LUZP2: variants seen among roughly 807,000 people sequenced by gnomAD.
The protein encoded by LUZP2 is leucine zipper protein 2.
LUZP2 carries 52 observed loss-of-function variants against 51.6 expected under a neutral mutation model. The observed-to-expected ratio is 1.01, with a 90% CI of 0.81 to 1.27. LUZP2 has a LOEUF of 1.27. Among genes scored for constraint, LUZP2 ranks in the 50% most tolerant of loss-of-function variants. The probability of loss-of-function intolerance (pLI) is 0.00; values close to 1 mark genes in which losing one functional copy is unlikely to be tolerated. For synonymous variants in LUZP2, 154 were observed against 137.3 expected (o/e 1.12, Z -0.85); for missense variants, 436 against 395.4 (o/e 1.10, Z -0.87).
chr11:24,551,029 T>A (rs1851709571), intron 1 of LUZP2, among the ~76,000 whole-genome samples: 1 of 152,032 alleles, frequency 6.6e-6, no homozygotes, highest in Non-Finnish European at 1.5e-5. Flanking sequence ...AATTTGGAGG[T>A]CAATAAAATT....
chr11:25,050,291 C>CTTTTTTTTTTTTTTTTTTTTTTTTTT (rs71044331), intron 10 of LUZP2, among the ~76,000 whole-genome samples, 161 bp downstream of exon 10: 2 of 77,158 alleles, frequency 2.6e-5, no homozygotes, highest in Non-Finnish European at 4.8e-5. Context: ...TCTTTATGTT[C>CTTTTTTTTTTTTTTTTTTTTTTTTTT]TTTTTTTTTT....
chr11:25,036,559 G>A (rs1288305830), intron 9 of LUZP2, among the ~76,000 whole-genome samples: 2 of 151,688 alleles, frequency 1.3e-5, no homozygotes, highest in Non-Finnish European at 2.9e-5. Context: ...TAGGTGCAAA[G>A]TTAGATTGCT....
At chr11:24,503,200 C>T (rs1850053256) in intron 1 of LUZP2, among the ~76,000 whole-genome samples, 1 of 151,664 alleles carries the variant, frequency 6.6e-6, no homozygotes. Flanking sequence ...AAACTTTTCA[C>T]AATTATGTAA....
At chr11:24,699,688 G>GT (rs1565084923) in intron 1 of LUZP2, among the ~76,000 whole-genome samples, 2 of 99,964 alleles carry the variant, frequency 2.0e-5, no homozygotes, top group East Asian at 8.8e-4. Flanking sequence ...TATATACACA[G>GT]ACACACACAC....
intron 1 of LUZP2, among the ~76,000 whole-genome samples, chr11:24,539,222 G>T (rs1209871451): frequency 6.6e-6 from 1 of 151,890 alleles, no homozygotes; most frequent in Non-Finnish European, 1.5e-5. Context: ...TGTTGTTCTA[G>T]AATTGATTAT....
intron 7 of LUZP2, among the ~76,000 whole-genome samples, chr11:24,964,085 T>C (rs1289506532): frequency 2.0e-5 from 3 of 152,206 alleles, no homozygotes; most frequent in Non-Finnish European, 4.4e-5. Context: ...AACCTCCATA[T>C]GGTTTTCTTC....
intron 9 of LUZP2, among the ~76,000 whole-genome samples, chr11:25,029,818 T>C (rs1450557312): frequency 6.6e-6 from 1 of 151,990 alleles, no homozygotes; most frequent in African/African-American, 2.4e-5. Context: ...AAATTTGCTT[T>C]ACATATACAC....
At chr11:25,055,491 G>A (rs1317564228) in intron 10 of LUZP2, among the ~76,000 whole-genome samples, 37 of 151,906 alleles carry the variant, frequency 2.4e-4, no homozygotes, top group Non-Finnish European at 1.0e-4. Flanking sequence ...AGTAATTTTT[G>A]TATATTGATC....
chr11:25,004,798 G>T (rs1297981605), intron 9 of LUZP2, among the ~76,000 whole-genome samples: 2 of 152,116 alleles, frequency 1.3e-5, no homozygotes, highest in African/African-American at 2.4e-5. Flanking sequence ...TCCCAGTGGG[G>T]ATCCATACTG....
chr11:24,673,779 T>G (rs896421792), intron 1 of LUZP2, among the ~76,000 whole-genome samples: 1 of 152,212 alleles, frequency 6.6e-6, no homozygotes, highest in Non-Finnish European at 1.5e-5. Flanking sequence ...TTGCCCACAG[T>G]TGAGGGCAAG....
chr11:24,853,384 G>T (rs781522731), intron 5 of LUZP2, among the ~76,000 whole-genome samples: 4 of 151,690 alleles, frequency 2.6e-5, no homozygotes, highest in Non-Finnish European at 5.9e-5. Flanking sequence ...TTCAATCTCT[G>T]ATATCTTTTC....
chr11:24,978,139 G>GC (rs1343471056), intron 8 of LUZP2, among the ~76,000 whole-genome samples: 1 of 151,420 alleles, frequency 6.6e-6, no homozygotes, highest in East Asian at 1.9e-4. Context: ...AGGGGAGCTT[G>GC]CCCCCTATTT....
At chr11:25,076,761 T>A (rs1202816441) in intron 10 of LUZP2, among the ~76,000 whole-genome samples, 1 of 151,312 alleles carries the variant, frequency 6.6e-6, no homozygotes, top group East Asian at 1.9e-4. Context: ...TTTATTTTTT[T>A]TTTTCCATTG....
At chr11:24,786,614 A>G (rs186983342) in intron 5 of LUZP2, 2,518 of 168,366 alleles carry the variant, frequency 0.015, 29 homozygotes, top group Admixed American at 0.023. Flanking sequence ...AATATTAATA[A>G]ATTATAATAT....
At chr11:24,569,318 A>G (rs1852349011) in intron 1 of LUZP2, among the ~76,000 whole-genome samples, 1 of 152,080 alleles carries the variant, frequency 6.6e-6, no homozygotes, top group African/African-American at 2.4e-5. Flanking sequence ...AACTCAAAAT[A>G]AAAATGGTAT....
intron 1 of LUZP2, among the ~76,000 whole-genome samples, chr11:24,585,008 A>G (rs1429666832): frequency 6.6e-6 from 1 of 152,158 alleles, no homozygotes; most frequent in Non-Finnish European, 1.5e-5. Context: ...CTTTTTATCA[A>G]TAAGGAATTA....
intron 1 of LUZP2, among the ~76,000 whole-genome samples, chr11:24,599,465 A>G (rs1344894916): frequency 6.6e-6 from 1 of 152,112 alleles, no homozygotes; most frequent in Non-Finnish European, 1.5e-5. Context: ...TTCTTACTTT[A>G]TTTGCAATTG....
chr11:24,648,596 G>C (rs1009806497), intron 1 of LUZP2, among the ~76,000 whole-genome samples: 13 of 151,876 alleles, frequency 8.6e-5, no homozygotes, highest in African/African-American at 2.4e-4. Flanking sequence ...AAGTACAAAT[G>C]GAACCATAAG....
intron 1 of LUZP2, among the ~76,000 whole-genome samples, chr11:24,623,263 C>T (rs574403830): frequency 3.2e-4 from 48 of 149,798 alleles, no homozygotes; most frequent in African/African-American, 1.0e-3. Context: ...AAAAAATTTA[C>T]GGGACTTAAA....
Sources: allele counts gnomAD v4.1 joint callset (sites outside exome capture counted in the v4.1 genomes callset), GRCh38; gene constraint gnomAD v4.1.1; transcripts MANE v1.5; gene names NCBI Gene and HGNC (gene_info 2026-07-23, HGNC 2026-07-21).